PCDHA2: variants seen among roughly 807,000 people sequenced by gnomAD.
PCDHA2 encodes protocadherin alpha 2.
PCDHA2 carries 58 observed loss-of-function variants against 66.0 expected under a neutral mutation model. The observed-to-expected ratio is 0.88, with a 90% CI of 0.71 to 1.09. The LOEUF is 1.09. Among genes scored for constraint, PCDHA2 ranks in the 50% least tolerant of loss-of-function variants. The pLI, the probability that PCDHA2 is intolerant of heterozygous loss-of-function variation, is 0.00. For missense variants in PCDHA2, 1,267 were observed against 1,242.3 expected (o/e 1.02, Z -0.30); for synonymous variants, 634 against 554.0 (o/e 1.14, Z -2.03).
intron 1 of PCDHA2, among the ~76,000 whole-genome samples, chr5:140,976,450 C>T (rs2096717096): frequency 6.6e-6 from 1 of 152,040 alleles, no homozygotes; most frequent in South Asian, 2.1e-4. Flanking sequence ...ACTAGGGAGG[C>T]TGGGGAAGAA....
chr5:140,971,091 T>G (rs1355075556), intron 1 of PCDHA2, among the ~76,000 whole-genome samples: 1 of 152,180 alleles, frequency 6.6e-6, no homozygotes, highest in Non-Finnish European at 1.5e-5. Flanking sequence ...AACAAATTCT[T>G]GTGAAGCCCT....
At chr5:140,822,062 G>A (rs997674203) in intron 1 of PCDHA2, 5 of 1,614,204 alleles carry the variant, frequency 3.1e-6, no homozygotes, top group East Asian at 2.2e-5. Flanking sequence ...GAGCTGTGCC[G>A]GCGGAGGGCG....
At chr5:140,923,112 T>C (rs1159250649) in intron 1 of PCDHA2, among the ~76,000 whole-genome samples, 2 of 152,144 alleles carry the variant, frequency 1.3e-5, no homozygotes, top group Non-Finnish European at 2.9e-5. Flanking sequence ...TGATTTTAAG[T>C]TTTTAGGGTC....
chr5:140,985,901 G>A (rs995663051), intron 3 of PCDHA2, among the ~76,000 whole-genome samples: 3 of 151,818 alleles, frequency 2.0e-5, no homozygotes, highest in Non-Finnish European at 2.9e-5. Flanking sequence ...CACCACTCCC[G>A]TCTAATTTTT....
intron 1 of PCDHA2, among the ~76,000 whole-genome samples, chr5:140,894,629 T>C (rs1406335031): frequency 6.6e-6 from 1 of 152,036 alleles, no homozygotes; most frequent in African/African-American, 2.4e-5. Flanking sequence ...TCTTCTCCAA[T>C]CATATCATTA....
At position 140,807,574 on chromosome 5, in the gene PCDHA2, C is replaced by T. The variant is rs371480931; in HGVS notation, c.2388+10222C>T. On this transcript the variant is annotated intron_variant, in intron 1 of 3. Coordinates refer to ENST00000526136, the MANE Select transcript of PCDHA2 (RefSeq NM_018905.3). ...TGGAGGTGAGGGACATTAACGATAA[C>T]CCGCCGGTGTTCCCAGCAACACAAA... is the stretch of plus-strand genomic sequence containing the variant. The T allele has an allele frequency of 3.2e-5, 51 of 1,614,058 alleles. 1 individual carries two copies. In the Middle Eastern group the frequency reaches 9.9e-4, roughly 31 times the overall value.
intron 1 of PCDHA2, among the ~76,000 whole-genome samples, chr5:140,873,597 T>C (rs2054375206): frequency 6.6e-6 from 1 of 152,354 alleles, no homozygotes; most frequent in Middle Eastern, 3.4e-3. Context: ...TAAACTTAGA[T>C]GTTCCTATTG....
intron 3 of PCDHA2, among the ~76,000 whole-genome samples, chr5:141,007,395 C>CAAAAAAAAAA (rs35800918): frequency 8.4e-5 from 8 of 94,862 alleles, no homozygotes; most frequent in African/African-American, 1.7e-4. Flanking sequence ...TACTAAAATA[C>CAAAAAAAAAA]AAAAAAAAAA....
intron 1 of PCDHA2, chr5:140,822,912 T>G: frequency 1.2e-6 from 2 of 1,614,222 alleles, no homozygotes; most frequent in Non-Finnish European, 1.7e-6. Flanking sequence ...GTGACTCAGG[T>G]GCCAACGGGC....
At chr5:140,799,185 T>C (rs546106187) in intron 1 of PCDHA2, among the ~76,000 whole-genome samples, 3 of 152,296 alleles carry the variant, frequency 2.0e-5, no homozygotes, top group African/African-American at 7.2e-5. Flanking sequence ...ATACTTTATC[T>C]ACAAAATGGC....
chr5:140,870,891 G>A, intron 1 of PCDHA2: 2 of 1,613,964 alleles, frequency 1.2e-6, no homozygotes, highest in Non-Finnish European at 1.7e-6. Flanking sequence ...TGCGCGCAGT[G>A]GATGCGGACT....
intron 1 of PCDHA2, chr5:140,862,950 G>A (rs559605019): frequency 1.1e-4 from 59 of 541,460 alleles, no homozygotes; most frequent in Non-Finnish European, 2.1e-4. Flanking sequence ...GAGCTGGTGC[G>A]GTATTCAGTG....
chr5:140,846,597 A>G (rs930246175), intron 1 of PCDHA2, among the ~76,000 whole-genome samples: 2 of 148,430 alleles, frequency 1.3e-5, no homozygotes, highest in Non-Finnish European at 3.0e-5. Context: ...GATGGTCTCG[A>G]TCTCCTGACC....
At chr5:140,928,508 T>G in intron 1 of PCDHA2, 1 of 1,614,174 alleles carries the variant, frequency 6.2e-7, no homozygotes, top group Non-Finnish European at 8.5e-7. Flanking sequence ...AGTGCAACAG[T>G]GACTATAAAC....
intron 1 of PCDHA2, chr5:140,876,694 G>A (rs1196941664): frequency 6.2e-7 from 1 of 1,614,142 alleles, no homozygotes; most frequent in African/African-American, 1.3e-5. Flanking sequence ...CTACTCGTTG[G>A]TGCTGGACAG....
At chr5:140,876,686 A>G (rs1554168790) in intron 1 of PCDHA2, 1 of 1,613,822 alleles carries the variant, frequency 6.2e-7, no homozygotes, top group Admixed American at 1.7e-5. Context: ...AAGAATTACT[A>G]CTCGTTGGTG....
chr5:140,961,326 G>T (rs1450202899), intron 1 of PCDHA2, among the ~76,000 whole-genome samples: 1 of 152,154 alleles, frequency 6.6e-6, no homozygotes, highest in Admixed American at 6.5e-5. Flanking sequence ...TCTGTTTCTT[G>T]AGAGACCAAG....
chr5:140,936,640 C>G (rs782162757), intron 1 of PCDHA2, among the ~76,000 whole-genome samples: 3 of 152,208 alleles, frequency 2.0e-5, no homozygotes, highest in African/African-American at 7.2e-5. Context: ...TCATAAGCAA[C>G]GTGACTTTAT....
intron 1 of PCDHA2, among the ~76,000 whole-genome samples, chr5:140,941,214 C>CTTTTT (rs1554214039): frequency 1.2e-4 from 15 of 122,492 alleles, no homozygotes; most frequent in African/African-American, 4.3e-4. Context: ...TTTCTTTCTT[C>CTTTTT]CTTTCTTTCT....
Sources: gnomAD v4.1 joint callset for allele counts (sites outside exome capture counted in the v4.1 genomes callset) on GRCh38, gnomAD v4.1.1 for gene constraint, MANE v1.5 for transcripts, NCBI Gene and HGNC (gene_info 2026-07-23, HGNC 2026-07-21) for gene names.